MLANA: variants seen among roughly 807,000 people sequenced by gnomAD.
MLANA encodes melanoma antigen recognized by T-cells 1.
MLANA carries 21 observed loss-of-function variants against 15.7 expected under a neutral mutation model. That is an observed-to-expected ratio of 1.33 (90% CI 0.95 to 1.92). The LOEUF (loss-of-function observed/expected upper bound fraction) is 1.92, where lower values mean the gene tolerates loss of function less well. MLANA is among the 40% of genes most tolerant of loss of function. MLANA has a pLI of 0.00. For missense variants in MLANA, 164 were observed against 143.8 expected, an observed-to-expected ratio of 1.14 and a Z score of -0.72; for synonymous variants, 56 against 51.5, an observed-to-expected ratio of 1.09 and a Z score of -0.37.
chr9:5,892,644 T>G (rs2129882176), intron 2 of MLANA, 93 bp downstream of exon 2: 1 of 981,546 alleles, frequency 1.0e-6, no homozygotes, highest in African/African-American at 1.7e-5. Flanking sequence ...CTCGTAAATC[T>G]CCCTAGTGTT....
At chr9:5,896,702 C>G (rs969271346) in intron 2 of MLANA, among the ~76,000 whole-genome samples, 1 of 152,156 alleles carries the variant, frequency 6.6e-6, no homozygotes, top group Non-Finnish European at 1.5e-5. Context: ...GATGCTTGCC[C>G]GGAGTGAACA....
chr9:5,894,458 C>T lies in MLANA; in HGVS notation c.77+1907C>T, dbSNP rs554694263. Among the ~76,000 whole-genome samples, 7 of 152,196 alleles carry T rather than the reference C, an allele frequency of 4.6e-5. No individual in the cohort carries two copies. In the South Asian group the frequency reaches 1.2e-3, roughly 27 times the overall value. The stretch of plus-strand genomic sequence containing the variant: ...TGGGGTAACAAACGGAAGGGTGAGG[C>T]CATCAGGACCTAGAGTTGGGAGGAG... On this transcript the variant is annotated intron_variant, in intron 2 of 4. Coordinates refer to ENST00000381477, the MANE Select transcript of MLANA (RefSeq NM_005511.2). This position sits in a 1 kb window ranked among gnomAD's most constrained non-coding sequence, Gnocchi z 4.0.
intron 3 of MLANA, among the ~76,000 whole-genome samples, chr9:5,906,567 G>A (rs938040067): frequency 6.6e-6 from 1 of 152,188 alleles, no homozygotes; most frequent in Non-Finnish European, 1.5e-5. Context: ...AATTTCACAA[G>A]AGTGTTCCTT....
chr9:5,899,024 G>C (rs1357770752), intron 3 of MLANA: 1 of 152,150 alleles, frequency 6.6e-6, no homozygotes, highest in Non-Finnish European at 1.5e-5. Context: ...CATCAACTGA[G>C]TTTATAAGCT....
At chr9:5,897,144 TTAG>T (rs1470047402) in intron 2 of MLANA, among the ~76,000 whole-genome samples, 1 of 152,240 alleles carries the variant, frequency 6.6e-6, no homozygotes, top group African/African-American at 2.4e-5. Context: ...CACCTGGCTT[TTAG>T]TAGATGAGTC....
chr9:5,905,254 C>A (rs1168536722), intron 3 of MLANA, among the ~76,000 whole-genome samples: 3 of 152,180 alleles, frequency 2.0e-5, no homozygotes, highest in Non-Finnish European at 4.4e-5. Flanking sequence ...CTCCAAACAA[C>A]TGAATGGACC....
intron 2 of MLANA, among the ~76,000 whole-genome samples, chr9:5,893,243 A>G (rs1831771279): frequency 6.6e-6 from 1 of 152,162 alleles, no homozygotes; most frequent in East Asian, 1.9e-4. Context: ...CTGCAGGGAC[A>G]TACTCTGTAT....
chr9:5,908,259 T>A (rs1160642370), intron 4 of MLANA, among the ~76,000 whole-genome samples: 1 of 152,238 alleles, frequency 6.6e-6, no homozygotes, highest in African/African-American at 2.4e-5. Flanking sequence ...GTTTTATATT[T>A]GGTAGTATCA....
In MLANA at chr9:5,896,649, G is replaced by A. The variant is rs540147114; in HGVS notation, c.78-908G>A. Among the ~76,000 whole-genome samples the A allele has an allele frequency of 3.9e-5, 6 of 152,290 alleles. No individual in the cohort carries two copies. The South Asian group carries it at 1.0e-3, about 26-fold the overall frequency. ...CACAGATAACAGAGTCAGTTCTGTCGATTTTGATCATGCTGTGATCAGGCA... is the reference window on the plus strand; with the variant it reads ...CACAGATAACAGAGTCAGTTCTGTCAATTTTGATCATGCTGTGATCAGGCA... On this transcript the variant is annotated intron_variant, in intron 2 of 4. Transcript: ENST00000381477.
At chr9:5,904,110 G>A (rs1031910913) in intron 3 of MLANA, among the ~76,000 whole-genome samples, 4 of 152,076 alleles carry the variant, frequency 2.6e-5, no homozygotes, top group African/African-American at 9.7e-5. Context: ...CGCCTGCCTT[G>A]GTCTCCCAAA....
intron 2 of MLANA, among the ~76,000 whole-genome samples, chr9:5,893,691 C>G (rs1468041824): frequency 6.6e-6 from 1 of 152,144 alleles, no homozygotes; most frequent in Non-Finnish European, 1.5e-5. Context: ...TTAAAATATA[C>G]TTTTATGTCT....
At chr9:5,901,136 A>G (rs1832394450) in intron 3 of MLANA, among the ~76,000 whole-genome samples, 1 of 152,230 alleles carries the variant, frequency 6.6e-6, no homozygotes, top group South Asian at 2.1e-4. Flanking sequence ...AGGCTTAAAA[A>G]AAAAAGAAAA....
chr9:5,905,414 G>T (rs1832736184), intron 3 of MLANA, among the ~76,000 whole-genome samples: 1 of 152,148 alleles, frequency 6.6e-6, no homozygotes, highest in Non-Finnish European at 1.5e-5. Context: ...GAGATTACAG[G>T]ACTGACAGAA....
chr9:5,900,647 T>C (rs1437519971), intron 3 of MLANA, among the ~76,000 whole-genome samples: 1 of 152,190 alleles, frequency 6.6e-6, no homozygotes, highest in Non-Finnish European at 1.5e-5. Context: ...ACTTTTCAAC[T>C]TCCATTTGTC....
chr9:5,909,637 A>G lies in MLANA; in HGVS notation c.*929A>G, dbSNP rs1387269276. On this transcript the variant is annotated 3_prime_UTR_variant, in exon 5 of 5. Coordinates refer to ENST00000381477, the MANE Select transcript of MLANA (RefSeq NM_005511.2). ...AGGCTCAATGCTATTCTAACTAATG[A>G]CAAGTATTTTCTACTAAACCAGAAA... 2 of 152,258 alleles carry G rather than the reference A, an allele frequency of 1.3e-5. No homozygotes were observed. Among genetic ancestry groups the G allele is most frequent in the Non-Finnish European group, 2.9e-5 (2 of 68,054 alleles). 9.4% of individuals were successfully genotyped at this position (152,258 alleles called of 1,614,324 possible). A position where few individuals can be genotyped will look rare whatever the true frequency, so the allele number is the denominator to read the frequency against.
rs767902068 is a variant in MLANA, at chr9:5,894,480, G to A, written c.77+1929G>A. 1.3e-5 allele frequency among the ~76,000 whole-genome samples: 2 copies of A among 152,164 alleles called. No homozygotes were observed. Among genetic ancestry groups the A allele is most frequent in the Non-Finnish European group, 2.9e-5 (2 of 68,034 alleles). ...AGGCCATCAGGACCTAGAGTTGGGA[G>A]GAGGGACGCCACAGAAATGGGACCC... On this transcript the variant is annotated intron_variant, in intron 2 of 4. Transcript: ENST00000381477. The surrounding 1 kb of genome is among the most constrained non-coding windows in gnomAD (Gnocchi z 4.0).
intron 3 of MLANA, among the ~76,000 whole-genome samples, chr9:5,901,426 G>C (rs1401727719): frequency 6.6e-6 from 1 of 152,144 alleles, no homozygotes; most frequent in African/African-American, 2.4e-5. Context: ...TTATGAATGG[G>C]TGTTTGATTT....
In MLANA at chr9:5,909,743, A is replaced by G. The variant is rs2130019874; in HGVS notation, c.*1035A>G. ...CCTGTGTACTGCCTTAAATGTACCTATGGCAATTTAGCTCTCTTGGGTTCC... is the reference window on the plus strand; with the variant it reads ...CCTGTGTACTGCCTTAAATGTACCTGTGGCAATTTAGCTCTCTTGGGTTCC... On this transcript the variant is annotated 3_prime_UTR_variant, in exon 5 of 5. Transcript: ENST00000381477. The G allele has an allele frequency of 6.6e-6, 1 of 152,250 alleles. No homozygotes were observed. Among genetic ancestry groups the G allele is most frequent in the African/African-American group, 2.4e-5 (1 of 41,570 alleles). 9.4% of individuals were successfully genotyped at this position (152,250 alleles called of 1,614,324 possible). A position where few individuals can be genotyped will look rare whatever the true frequency, so the allele number is the denominator to read the frequency against.
chr9:5,901,557 C>T (rs1324448144), intron 3 of MLANA, among the ~76,000 whole-genome samples: 1 of 151,962 alleles, frequency 6.6e-6, no homozygotes, highest in Non-Finnish European at 1.5e-5. Context: ...CTCATTCTGT[C>T]ACCCAGGCTG....
Sources: allele counts gnomAD v4.1 joint callset (sites outside exome capture counted in the v4.1 genomes callset), GRCh38; gene constraint gnomAD v4.1.1; non-coding constraint Gnocchi (gnomAD v3.1); transcripts MANE v1.5; gene names NCBI Gene and HGNC (gene_info 2026-07-23, HGNC 2026-07-21).